Variants in SYT2 observed in about 807,000 individuals in gnomAD.
SYT2 encodes synaptotagmin-2.
A neutral mutation model predicts 39.9 loss-of-function variants in SYT2; 15 were observed. That is an observed-to-expected ratio of 0.38 (90% CI 0.25 to 0.58). SYT2 has a LOEUF of 0.58. Ranked by LOEUF, SYT2 falls within the 20% of genes least tolerant of loss-of-function variation. The pLI is 0.70. For synonymous variants in SYT2, 181 were observed against 204.5 expected (o/e 0.89, Z 0.98); for missense variants, 389 against 530.3 (o/e 0.73, Z 2.62).
chr1:202,687,666 C>CAAAAAA (rs59844832), intron 1 of SYT2, among the ~76,000 whole-genome samples: 1 of 83,938 alleles, frequency 1.2e-5, no homozygotes, highest in Admixed American at 1.4e-4. Flanking sequence ...AACTCCATCT[C>CAAAAAA]AAAAAAAAAA....
At chr1:202,627,401 G>A (rs1259663597) in intron 1 of SYT2, 14 of 976,818 alleles carry the variant, frequency 1.4e-5, no homozygotes, top group South Asian at 4.7e-5. Context: ...GGCAACCTCC[G>A]TCCCATCAAG....
At chr1:202,626,383 A>C (rs1466114899) in intron 1 of SYT2, among the ~76,000 whole-genome samples, 1 of 147,978 alleles carries the variant, frequency 6.8e-6, no homozygotes, top group African/African-American at 2.5e-5. Flanking sequence ...TGCATCTCCC[A>C]AGACAGCCTC....
At chr1:202,620,522 G>A (rs1328582574) in intron 1 of SYT2, among the ~76,000 whole-genome samples, 1 of 151,746 alleles carries the variant, frequency 6.6e-6, no homozygotes, top group Non-Finnish European at 1.5e-5. Context: ...GACTTCAGGT[G>A]AGTATCAAAA....
intron 1 of SYT2, among the ~76,000 whole-genome samples, chr1:202,689,883 C>A (rs1558462689): frequency 6.6e-6 from 1 of 151,734 alleles, no homozygotes. Context: ...AGTACTTCCC[C>A]CGGAAGTGCC....
intron 1 of SYT2, among the ~76,000 whole-genome samples, chr1:202,681,734 C>A (rs1052691910): frequency 7.2e-5 from 11 of 152,204 alleles, no homozygotes; most frequent in Admixed American, 2.0e-4. Flanking sequence ...TGGCACCAAG[C>A]ATCCCCACTC....
rs375547599 is a variant in SYT2, at chr1:202,665,919, C to T, written c.-18+44339G>A. ...CTGTAATCCCAGCACTTTGGGAGGC[C>T]GAGGCAGGCGGATCACAAGGTCAGG... On this transcript the variant is annotated intron_variant, in intron 1 of 8. Transcript: ENST00000367268. 3.4e-3 allele frequency among the ~76,000 whole-genome samples: 512 copies of T among 152,166 alleles called. 4 individuals carry two copies. Among genetic ancestry groups the T allele is most frequent in the African/African-American group, 0.012 (490 of 41,510 alleles).
At chr1:202,663,375 T>C (rs753630971) in intron 1 of SYT2, among the ~76,000 whole-genome samples, 5 of 152,156 alleles carry the variant, frequency 3.3e-5, no homozygotes, top group Admixed American at 6.5e-5. Flanking sequence ...TCTTTCCAGG[T>C]TGCTGGGCGT....
In SYT2 at chr1:202,697,730, T is replaced by C. The variant is rs145098312; in HGVS notation, c.-18+12528A>G. ...CTATGTGTGCTGATGAGTGTGCTGATTAATTTGATTGTAATAATCACCATA... is the reference window on the plus strand; with the variant it reads ...CTATGTGTGCTGATGAGTGTGCTGACTAATTTGATTGTAATAATCACCATA... On this transcript the variant is annotated intron_variant, in intron 1 of 8. Transcript: ENST00000367268. Among the ~76,000 whole-genome samples the C allele has an allele frequency of 2.4e-3, 361 of 152,356 alleles. 1 individual carries two copies. Among genetic ancestry groups the C allele is most frequent in the African/African-American group, 8.4e-3 (349 of 41,578 alleles).
intron 1 of SYT2, among the ~76,000 whole-genome samples, chr1:202,673,762 A>G (rs1653237149): frequency 3.3e-5 from 5 of 152,178 alleles, no homozygotes; most frequent in Admixed American, 3.3e-4. Context: ...CTAGTTTCTC[A>G]GCCTTTAATG....
At chr1:202,597,089 A>G (rs1690326863) in intron 8 of SYT2, 126 bp from the exon 9 acceptor site, 1 of 764,872 alleles carries the variant, frequency 1.3e-6, no homozygotes, top group Non-Finnish European at 2.1e-6. Flanking sequence ...CCTTGGTTTC[A>G]TCTCTGCTCC....
chr1:202,610,980 G>A (rs1429347907), intron 1 of SYT2, among the ~76,000 whole-genome samples: 1 of 152,060 alleles, frequency 6.6e-6, no homozygotes, highest in Admixed American at 6.6e-5. Flanking sequence ...CTACTTTAAA[G>A]TTCATATGGA....
intron 1 of SYT2, among the ~76,000 whole-genome samples, chr1:202,607,891 T>TTTA (rs550182592): frequency 6.1e-5 from 9 of 148,202 alleles, no homozygotes; most frequent in Non-Finnish European, 1.2e-4. Flanking sequence ...CTTTTTTTTT[T>TTTA]AAAAAACAGC....
intron 5 of SYT2, 45 bp downstream of exon 5, chr1:202,602,333 T>C: frequency 6.3e-7 from 1 of 1,580,426 alleles, no homozygotes. Context: ...AGCAGAGAAT[T>C]GGGATCAGGC....
chr1:202,661,899 C>T (rs1692389594), intron 1 of SYT2, among the ~76,000 whole-genome samples: 2 of 152,220 alleles, frequency 1.3e-5, no homozygotes, highest in South Asian at 4.1e-4. Context: ...CATTAGTTCA[C>T]TTGTCAGACA....
At chr1:202,643,721 G>T (rs931598813) in intron 1 of SYT2, among the ~76,000 whole-genome samples, 1 of 152,186 alleles carries the variant, frequency 6.6e-6, no homozygotes, top group Non-Finnish European at 1.5e-5. Context: ...GTGCGGGAGG[G>T]ACTAGGCTGG....
chr1:202,624,828 C>CG (rs1691326028), intron 1 of SYT2, among the ~76,000 whole-genome samples: 3 of 147,778 alleles, frequency 2.0e-5, no homozygotes, highest in Admixed American at 6.7e-5. Context: ...GGTGTCTGGT[C>CG]TGTAGTAGGG....
At chr1:202,696,761 G>A (rs576862570) in intron 1 of SYT2, among the ~76,000 whole-genome samples, 38 of 152,340 alleles carry the variant, frequency 2.5e-4, no homozygotes, top group African/African-American at 8.2e-4. Context: ...ACACTGAGGA[G>A]TGAGTAGACG....
At chr1:202,617,327 G>A (rs1317821041) in intron 1 of SYT2, among the ~76,000 whole-genome samples, 2 of 152,144 alleles carry the variant, frequency 1.3e-5, no homozygotes, top group African/African-American at 2.4e-5. Context: ...TCTAGTGATA[G>A]TGAGTTCTCA....
At chr1:202,617,769 G>C (rs1572628235) in intron 1 of SYT2, among the ~76,000 whole-genome samples, 1 of 152,274 alleles carries the variant, frequency 6.6e-6, no homozygotes, top group East Asian at 1.9e-4. Flanking sequence ...TGTATAAGCA[G>C]CCACCTCATT....
Sources: gnomAD v4.1 joint callset for allele counts (sites outside exome capture counted in the v4.1 genomes callset) on GRCh38, gnomAD v4.1.1 for gene constraint, MANE v1.5 for transcripts, NCBI Gene and HGNC (gene_info 2026-07-23, HGNC 2026-07-21) for gene names.